KCNH8: variants seen among roughly 807,000 people sequenced by gnomAD.
The protein encoded by KCNH8 is potassium voltage-gated channel subfamily H member 8.
In KCNH8, 70 loss-of-function variants were observed where a neutral mutation model predicts 103.6. The ratio of observed to expected loss-of-function variants is 0.68; its 90% CI spans 0.56 to 0.82. KCNH8 has a LOEUF of 0.82. Ranked by LOEUF, KCNH8 falls within the 40% of genes least tolerant of loss-of-function variation. KCNH8 has a pLI of 0.00. For synonymous variants in KCNH8, 498 were observed against 489.4 expected (o/e 1.02, Z -0.23); for missense variants, 1,217 against 1,329.9 (o/e 0.92, Z 1.32).
At chr3:19,484,122 A>C (rs1227882823) in intron 11 of KCNH8, among the ~76,000 whole-genome samples, 2 of 152,088 alleles carry the variant, frequency 1.3e-5, no homozygotes, top group Admixed American at 6.5e-5. Context: ...GTTCTGGCTA[A>C]TACTTTACTT....
rs542709800 is a variant in KCNH8 at position 19,500,227 on chromosome 3, A to G, written c.2041-10136A>G. ...TTAATGGTAAAGGGATCAATTCAAC[A>G]AGAGCTAACTATCCTAAATATATAT... On this transcript the variant is annotated intron_variant, in intron 11 of 15. Coordinates refer to ENST00000328405, the MANE Select transcript of KCNH8 (RefSeq NM_144633.3). Among the ~76,000 whole-genome samples, 18 of 152,340 alleles carry G rather than the reference A, an allele frequency of 1.2e-4. No individual in the cohort carries two copies. The South Asian group carries it at 2.1e-3, about 18-fold the overall frequency.
intron 14 of KCNH8, among the ~76,000 whole-genome samples, chr3:19,517,265 T>C (rs1420015414): frequency 6.6e-6 from 1 of 152,088 alleles, no homozygotes; most frequent in Non-Finnish European, 1.5e-5. Context: ...CTCTGCAAGA[T>C]ATATCTGCAA....
intron 11 of KCNH8, among the ~76,000 whole-genome samples, chr3:19,480,235 C>T (rs1042869436): frequency 3.3e-5 from 5 of 152,280 alleles, no homozygotes; most frequent in Admixed American, 6.5e-5. Context: ...TCCTGCTTCG[C>T]AGTAGTCAAC....
intron 11 of KCNH8, among the ~76,000 whole-genome samples, chr3:19,466,136 G>A (rs2067731628): frequency 6.6e-6 from 1 of 151,880 alleles, no homozygotes; most frequent in Non-Finnish European, 1.5e-5. Flanking sequence ...ATATTGCTTA[G>A]GCTGGTCTCA....
intron 1 of KCNH8, among the ~76,000 whole-genome samples, chr3:19,170,773 T>TAC (rs200575109): frequency 0.013 from 1,739 of 134,458 alleles, 64 homozygotes; most frequent in African/African-American, 0.031. Context: ...CACATATATA[T>TAC]ACACACACAC....
intron 8 of KCNH8, among the ~76,000 whole-genome samples, 199 bp from the exon 9 acceptor site, chr3:19,449,907 G>A (rs1001535778): frequency 1.3e-5 from 2 of 152,016 alleles, no homozygotes; most frequent in Admixed American, 6.6e-5. Context: ...AAGCCATATG[G>A]AATCAAAGTG....
intron 11 of KCNH8, among the ~76,000 whole-genome samples, chr3:19,458,553 C>G (rs189925979): frequency 6.6e-6 from 1 of 151,890 alleles, no homozygotes; most frequent in South Asian, 2.1e-4. Flanking sequence ...GGCTAAATCA[C>G]GCTAATTAAT....
At chr3:19,342,787 G>C (rs1195974562) in intron 4 of KCNH8, 73 bp downstream of exon 4, 1 of 1,424,530 alleles carries the variant, frequency 7.0e-7, no homozygotes, top group Admixed American at 2.0e-5. Context: ...CTAAAGAAAG[G>C]CCTCAATTAC....
At chr3:19,472,819 TG>T (rs565849476) in intron 11 of KCNH8, among the ~76,000 whole-genome samples, 47 of 152,316 alleles carry the variant, frequency 3.1e-4, no homozygotes, top group Admixed American at 3.3e-4. Context: ...GCATCAAGCA[TG>T]TGTTTCAAAT....
chr3:19,180,677 TTTTTTTTGTTTGTTTG>T (rs1170303897), intron 1 of KCNH8, among the ~76,000 whole-genome samples: 4 of 151,918 alleles, frequency 2.6e-5, no homozygotes, highest in African/African-American at 7.3e-5. Context: ...AGTTGTATGG[TTTTTTTTGTTTGTTTG>T]TTTTTTTGTT....
At chr3:19,467,368 A>G (rs956925680) in intron 11 of KCNH8, among the ~76,000 whole-genome samples, 36 of 152,140 alleles carry the variant, frequency 2.4e-4, no homozygotes, top group African/African-American at 8.4e-4. Flanking sequence ...ACCTGCAAAG[A>G]AGGCATGGGA....
intron 11 of KCNH8, among the ~76,000 whole-genome samples, chr3:19,507,394 C>T (rs1575156785): frequency 6.6e-6 from 1 of 152,174 alleles, no homozygotes; most frequent in East Asian, 1.9e-4. Context: ...GAGCCAGAAG[C>T]CCTGCCTCAT....
At chr3:19,496,042 T>G (rs2068433948) in intron 11 of KCNH8, among the ~76,000 whole-genome samples, 1 of 152,232 alleles carries the variant, frequency 6.6e-6, no homozygotes, top group South Asian at 2.1e-4. Flanking sequence ...TTTTCTACAT[T>G]GATTTTGTAC....
chr3:19,185,631 G>A (rs1475521105), intron 1 of KCNH8, among the ~76,000 whole-genome samples: 1 of 151,892 alleles, frequency 6.6e-6, no homozygotes, highest in Non-Finnish European at 1.5e-5. Context: ...TGGACAGAAA[G>A]TACTGCTGTA....
chr3:19,388,244 TG>T (rs2066386848), intron 5 of KCNH8, among the ~76,000 whole-genome samples: 1 of 152,146 alleles, frequency 6.6e-6, no homozygotes, highest in Non-Finnish European at 1.5e-5. Context: ...TAAACAACTC[TG>T]GGTTTTCTTA....
At chr3:19,493,910 T>C (rs2068380067) in intron 11 of KCNH8, among the ~76,000 whole-genome samples, 1 of 152,206 alleles carries the variant, frequency 6.6e-6, no homozygotes, top group Non-Finnish European at 1.5e-5. Flanking sequence ...ATGCATAAAC[T>C]GTGTCTCCCA....
rs374139705 is a variant in KCNH8 at position 19,175,377 on chromosome 3, A to G, written c.76+26582A>G. Among the ~76,000 whole-genome samples the G allele has an allele frequency of 2.1e-4, 32 of 152,058 alleles. 2 individuals are homozygous for G. In the South Asian group the frequency reaches 2.9e-3, roughly 14 times the overall value. On this transcript the variant is annotated intron_variant, in intron 1 of 15. Transcript: ENST00000328405. The stretch of plus-strand genomic sequence containing the variant: ...GCTGGGACTACAGGCGCCCGCCACT[A>G]CGCCCGGCTAACTTTTTGTATTTTT...
At chr3:19,381,241 TATG>T (rs1260944515) in intron 5 of KCNH8, among the ~76,000 whole-genome samples, 1 of 151,982 alleles carries the variant, frequency 6.6e-6, no homozygotes, top group African/African-American at 2.4e-5. Context: ...TCTGCACATA[TATG>T]ATCATGAACA....
At chr3:19,253,504 T>C (rs2064305050) in intron 1 of KCNH8, 150 bp from the exon 2 acceptor site, 3 of 648,268 alleles carry the variant, frequency 4.6e-6, no homozygotes, top group Non-Finnish European at 8.2e-6. Flanking sequence ...GTCCATTTTA[T>C]GTTTTGGAGT....
Sources: allele counts gnomAD v4.1 joint callset (sites outside exome capture counted in the v4.1 genomes callset), GRCh38; gene constraint gnomAD v4.1.1; transcripts MANE v1.5; gene names NCBI Gene and HGNC (gene_info 2026-07-23, HGNC 2026-07-21).